Variants in AMOT observed in about 807,000 individuals in gnomAD.
AMOT encodes the protein angiomotin.
AMOT carries 11 observed loss-of-function variants against 67.0 expected under a neutral mutation model. The observed-to-expected ratio is 0.16, with a 90% CI of 0.10 to 0.27. The LOEUF (loss-of-function observed/expected upper bound fraction) is 0.27. AMOT is among the 10% of genes least tolerant of loss of function. The probability of loss-of-function intolerance (pLI) is 1.00; values close to 1 mark genes in which losing one functional copy is unlikely to be tolerated. For synonymous variants in AMOT, 326 were observed against 321.4 expected (o/e 1.01, Z -0.15); for missense variants, 753 against 852.0 (o/e 0.88, Z 1.45).
chrX:112,804,432 G>C (rs1934105957), intron 8 of AMOT, among the ~76,000 whole-genome samples: 1 of 111,796 alleles, frequency 8.9e-6, no homozygotes, highest in South Asian at 3.8e-4. Context: ...TCTGACCTGA[G>C]AGGGGACTGA....
At chrX:112,787,281 G>A (rs1419585030) in intron 10 of AMOT, among the ~76,000 whole-genome samples, 4 of 110,959 alleles carry the variant, frequency 3.6e-5, no homozygotes, top group Non-Finnish European at 7.5e-5. Context: ...GCCAAAAACT[G>A]GAAACGACCC....
chrX:112,782,521 G>C lies in AMOT; in HGVS notation c.2240+19C>G. 1 of 1,210,713 alleles carries C rather than the reference G, an allele frequency of 8.3e-7. No homozygotes were observed. Among genetic ancestry groups the C allele is most frequent in the Admixed American group, 2.2e-5 (1 of 45,946 alleles). On this transcript the variant is annotated intron_variant, in intron 11 of 13. Coordinates refer to ENST00000371959, the MANE Select transcript of AMOT (RefSeq NM_001113490.2). ...ATATCAATGTCTCAGATTCCTCAGG[G>C]TCCAGAACAACATTTTACCTGCCCT...
In AMOT at chrX:112,779,430, T is replaced by C; in HGVS notation, c.2724A>G (p.Val908=). Residue 908 remains valine (V), a synonymous_variant, in exon 13 of 14, where the codon GTA becomes GTG. Coordinates refer to ENST00000371959, the MANE Select transcript of AMOT (RefSeq NM_001113490.2). ...ATAATITTTM[V]AAAPVAVAAA... is the part of the protein sequence containing the mutation. ...CAGCAACAGCAACTGGAGCAGCAGC[T>C]ACCATGGTGGTGGTGATGGTGGCAG... 8.5e-7 allele frequency: 1 copy of C among 1,171,736 alleles called. No homozygotes were observed. Among genetic ancestry groups the C allele is most frequent in the East Asian group, 3.1e-5 (1 of 32,569 alleles).
chrX:112,788,161 C>T (rs1413264033), intron 10 of AMOT, among the ~76,000 whole-genome samples: 3 of 109,893 alleles, frequency 2.7e-5, no homozygotes, highest in African/African-American at 1.0e-4. Flanking sequence ...TGGTGGCACA[C>T]GCCTATAGTC....
intron 5 of AMOT, among the ~76,000 whole-genome samples, chrX:112,812,379 C>T (rs1302567007): frequency 1.8e-5 from 2 of 111,653 alleles, no homozygotes; most frequent in Non-Finnish European, 3.8e-5. Context: ...CTTTTAATGC[C>T]AGGCATTTGG....
At chrX:112,797,898 G>GAGAAAGAAAGAA (rs546026722) in intron 8 of AMOT, among the ~76,000 whole-genome samples, 115 of 109,554 alleles carry the variant, frequency 1.0e-3, no homozygotes, top group South Asian at 4.0e-3. Context: ...GAGAGAAAGA[G>GAGAAAGAAAGAA]AGAAAGAAAG....
chrX:112,836,446 C>T (rs183452603), intron 1 of AMOT, among the ~76,000 whole-genome samples: 10 of 111,965 alleles, frequency 8.9e-5, no homozygotes, highest in East Asian at 2.8e-4. Flanking sequence ...CATGTGTCCT[C>T]GGTCAGATTC....
At chrX:112,805,127 G>A (rs1006164224) in intron 7 of AMOT, 35 bp from the exon 8 acceptor site, 7 of 1,205,477 alleles carry the variant, frequency 5.8e-6, no homozygotes, top group Non-Finnish European at 6.7e-6. Context: ...CTGCCAGCCT[G>A]GAGCTAGCTC....
At chrX:112,795,248 C>CG (rs1569395400) in intron 8 of AMOT, among the ~76,000 whole-genome samples, 2,139 of 104,182 alleles carry the variant, frequency 0.021, 58 homozygotes, top group African/African-American at 0.07. Context: ...GTCTCTCTCT[C>CG]TGTGTGTGTG....
intron 12 of AMOT, among the ~76,000 whole-genome samples, chrX:112,780,189 T>A (rs963595114): frequency 1.8e-5 from 2 of 112,262 alleles, no homozygotes; most frequent in Non-Finnish European, 3.8e-5. Flanking sequence ...GTTCTCACCA[T>A]GACCATAGTC....
chrX:112,839,982 C>T (rs1014761740), intron 1 of AMOT, among the ~76,000 whole-genome samples: 3 of 111,680 alleles, frequency 2.7e-5, no homozygotes, highest in Non-Finnish European at 5.6e-5. Context: ...GACTTTAAAA[C>T]TTCAAGAATT....
chrX:112,831,511 G>A (rs1294373316), intron 2 of AMOT, among the ~76,000 whole-genome samples: 3 of 109,601 alleles, frequency 2.7e-5, no homozygotes, highest in African/African-American at 9.9e-5. Flanking sequence ...CAGTACTTGA[G>A]GAGCTCCCAG....
rs760376982 is a variant in AMOT, at chrX:112,822,307, T to G, written c.820A>C (p.Thr274Pro). 1.2e-5 allele frequency: 14 copies of G among 1,123,891 alleles called. No individual in the cohort carries two copies. The South Asian group carries it at 3.1e-4, about 25-fold the overall frequency. 92.6% of individuals were successfully genotyped at this position (1,123,891 alleles called of 1,213,427 possible). Residue 274 changes from threonine (T) to proline (P), a missense_variant, in exon 4 of 14, where the codon ACA becomes CCA. Physicochemically the swap from Thr to Pro is conservative, Grantham distance 38. Transcript: ENST00000371959. ...SEHRLNQPGR[T>P]EGQLMRYQHP... ...TGATACCTCATCAGTTGCCCCTCTG[T>G]TCTCCCTGGCTGGTTCAGGCGATGC...
chrX:112,814,672 A>AGCTC (rs2147813692), intron 5 of AMOT, among the ~76,000 whole-genome samples: 1 of 112,040 alleles, frequency 8.9e-6, no homozygotes, highest in South Asian at 3.8e-4. Context: ...AACTGGAGAT[A>AGCTC]CACTCCTTTT....
intron 7 of AMOT, among the ~76,000 whole-genome samples, chrX:112,806,367 A>ATATATATATATACACAAG (rs1934189065): frequency 1.0e-5 from 1 of 99,400 alleles, no homozygotes; most frequent in African/African-American, 3.7e-5. Flanking sequence ...ACGTGTGTGT[A>ATATATATATATACACAAG]TATATATATA....
rs183322124 is a variant in AMOT, at chrX:112,832,356, T to C, written c.-274A>G. On this transcript the variant is annotated 5_prime_UTR_variant, in exon 2 of 14. Transcript: ENST00000371959. The stretch of plus-strand genomic sequence containing the variant: ...CTCTTTCACTCTGCTATCTTATTTG[T>C]CCTTCTTAGCAGCTCTGTGGGGAAA... 8.9e-6 allele frequency: 1 copy of C among 112,119 alleles called. No individual in the cohort carries two copies. Among genetic ancestry groups the C allele is most frequent in the East Asian group, 2.8e-4 (1 of 3,572 alleles). The allele number at this position is 112,119 out of a possible 1,213,427, so 9.2% of individuals were successfully genotyped here.
rs1360487059 is a variant in AMOT, at chrX:112,818,000, T to C, written c.873-2123A>G. Among the ~76,000 whole-genome samples the C allele has an allele frequency of 2.7e-5, 3 of 111,559 alleles. No individual in the cohort carries two copies. The Admixed American group carries it at 2.9e-4, about 11-fold the overall frequency. On this transcript the variant is annotated intron_variant, in intron 4 of 13. Coordinates refer to ENST00000371959, the MANE Select transcript of AMOT (RefSeq NM_001113490.2). ...ACATGCCTACAGAGTTAAAATATAA[T>C]GTCCTGAGATTTGTTGGGGCTTGTG...
Position 112,834,559 on chromosome X carries a change from G to C in AMOT, c.-288-2189C>G, listed in dbSNP as rs146948275. ...TCATGTTATCTTAATGTTTCTTTTG[G>C]GGGTATTTAAGTTCTGACATACACA... On this transcript the variant is annotated intron_variant, in intron 1 of 13. Transcript: ENST00000371959. Among the ~76,000 whole-genome samples, 60 of 111,443 alleles carry C rather than the reference G, an allele frequency of 5.4e-4. No individual in the cohort carries two copies. The East Asian group carries it at 0.016, about 30-fold the overall frequency.
At chrX:112,819,074 G>T (rs983643813) in intron 4 of AMOT, among the ~76,000 whole-genome samples, 3 of 110,506 alleles carry the variant, frequency 2.7e-5, no homozygotes, top group Admixed American at 9.6e-5. Flanking sequence ...AGGGTGGGGG[G>T]TACACTCCTC....
Sources: allele counts gnomAD v4.1 joint callset (sites outside exome capture counted in the v4.1 genomes callset), GRCh38; gene constraint gnomAD v4.1.1; transcripts MANE v1.5; gene names NCBI Gene and HGNC (gene_info 2026-07-23, HGNC 2026-07-21).